Variants in CFAP73 observed in about 807,000 individuals in gnomAD.
CFAP73 encodes cilia- and flagella-associated protein 73.
A neutral mutation model predicts 42.9 loss-of-function variants in CFAP73; 33 were observed. That is an observed-to-expected ratio of 0.77 (90% CI 0.58 to 1.03). The LOEUF (loss-of-function observed/expected upper bound fraction) is 1.03, where lower values mean the gene tolerates loss of function less well. CFAP73 is among the 50% of genes least tolerant of loss of function. The pLI, the probability that CFAP73 is intolerant of heterozygous loss-of-function variation, is 0.00. For synonymous variants in CFAP73, 162 were observed against 186.8 expected (o/e 0.87, Z 1.08); for missense variants, 392 against 411.9 (o/e 0.95, Z 0.42).
At chr12:113,157,270 C>A in intron 6 of CFAP73, 1 of 319,300 alleles carries the variant, frequency 3.1e-6, no homozygotes, top group Non-Finnish European at 5.8e-6. Flanking sequence ...AAGAGTAGGT[C>A]ACAAACCAAT....
In CFAP73 at chr12:113,158,548, C is replaced by A; in HGVS notation, c.*12-153C>A. 3.6e-6 allele frequency: 1 copy of A among 277,806 alleles called. No individual in the cohort carries two copies. The highest frequency in any genetic ancestry group is 6.5e-5 in the East Asian group (1 of 15,344). The allele number at this position is 277,806 out of a possible 1,614,324, so 17.2% of individuals were successfully genotyped here. On this transcript the variant is annotated intron_variant, in intron 7 of 7. Transcript: ENST00000335621. The surrounding 1 kb of genome is among the most constrained non-coding windows in gnomAD (Gnocchi z 4.9). Reference sequence around the variant, plus strand: ...AATTCCATTGCCAAACCCTGAGGCACTCAGGGCTCTGACCGGTGCAGCCAT... The same window carrying A: ...AATTCCATTGCCAAACCCTGAGGCAATCAGGGCTCTGACCGGTGCAGCCAT...
chr12:113,159,184 A>G lies in CFAP73; in HGVS notation c.*495A>G, dbSNP rs770416704. 3.6e-5 allele frequency: 52 copies of G among 1,435,912 alleles called. No homozygotes were observed. In the African/African-American group the frequency reaches 6.1e-4, roughly 17 times the overall value. 88.9% of individuals were successfully genotyped at this position (1,435,912 alleles called of 1,614,324 possible). Reference sequence around the variant, plus strand: ...ATCCCCTCCTCCCAGAAGCTTGCAGACTCCTCCCCTGCCCCTACTCCTGTT... The same window carrying G: ...ATCCCCTCCTCCCAGAAGCTTGCAGGCTCCTCCCCTGCCCCTACTCCTGTT... On this transcript the variant is annotated 3_prime_UTR_variant, in exon 8 of 8. Transcript: ENST00000335621.
In CFAP73 at chr12:113,153,356, G is replaced by T. The variant is rs957317321; in HGVS notation, c.416G>T (p.Arg139Leu). The T allele has an allele frequency of 5.3e-6, 8 of 1,496,998 alleles. No individual in the cohort carries two copies. Among genetic ancestry groups the T allele is most frequent in the African/African-American group, 2.9e-5 (2 of 69,398 alleles). 92.7% of individuals were successfully genotyped at this position (1,496,998 alleles called of 1,614,324 possible). The change falls in exon 4 of 8, where the codon CGC becomes CTC. Residue 139 changes from arginine to leucine, a missense_variant. Arg to Leu is a moderately radical substitution (Grantham distance 102, BLOSUM62 -2). Coordinates refer to ENST00000335621, the MANE Select transcript of CFAP73 (RefSeq NM_001144872.3). ...GCGCGGCTGCAGCGCCGGCTTAAGC[G>T]CCTGGAGCCCTGCGCGCGCCTGCTG... ...EHARLQRRLK[R>L]LEPCARLLEQ...
chr12:113,150,107 T>A (rs926744200), intron 1 of CFAP73, among the ~76,000 whole-genome samples, 194 bp downstream of exon 1: 6 of 152,198 alleles, frequency 3.9e-5, no homozygotes, highest in African/African-American at 1.4e-4. Context: ...GGATCGTTCC[T>A]GATCCCCCAC....
intron 1 of CFAP73, among the ~76,000 whole-genome samples, chr12:113,150,159 G>A (rs571009323): frequency 1.3e-5 from 2 of 152,202 alleles, no homozygotes; most frequent in Non-Finnish European, 2.9e-5. Context: ...TTCAAACCAA[G>A]CTGGGAAGGA....
chr12:113,154,711 A>T lies in CFAP73; in HGVS notation c.690+76A>T. ...CGGGCGGGGAGGAACGCCAGGGCTG[A>T]TGAGGACCGATGGGGCAATGCTTAC... On this transcript the variant is annotated intron_variant, in intron 5 of 7. Coordinates refer to ENST00000335621, the MANE Select transcript of CFAP73 (RefSeq NM_001144872.3). The surrounding 1 kb of genome is among the most constrained non-coding windows in gnomAD (Gnocchi z 4.7). 1 of 1,371,422 alleles carries T rather than the reference A, an allele frequency of 7.3e-7. No homozygotes were observed. The highest frequency in any genetic ancestry group is 1.7e-5 in the South Asian group (1 of 57,484). The allele number at this position is 1,371,422 out of a possible 1,614,324, so 85.0% of individuals were successfully genotyped here. A position where few individuals can be genotyped will look rare whatever the true frequency, so the allele number is the denominator to read the frequency against.
chr12:113,155,179 A>G, intron 5 of CFAP73, 81 bp from the exon 6 acceptor site: 1 of 1,329,410 alleles, frequency 7.5e-7, no homozygotes, highest in Non-Finnish European at 1.0e-6. Context: ...CAAAAAGAAA[A>G]AAAAAAAAAG....
chr12:113,159,221 G>A lies in CFAP73; in HGVS notation c.*532G>A, dbSNP rs1408850471. On this transcript the variant is annotated 3_prime_UTR_variant, in exon 8 of 8. Coordinates refer to ENST00000335621, the MANE Select transcript of CFAP73 (RefSeq NM_001144872.3). ...CCCCTACTCCTGTTCTGTGCTTATT[G>A]CTGTGGCCCAGTGTCTGTACACAGT... is the stretch of plus-strand genomic sequence containing the variant. 4 of 1,207,248 alleles carry A rather than the reference G, an allele frequency of 3.3e-6. No individual in the cohort carries two copies. Among genetic ancestry groups the A allele is most frequent in the Non-Finnish European group, 4.6e-6 (4 of 877,570 alleles). 74.8% of individuals were successfully genotyped at this position (1,207,248 alleles called of 1,614,324 possible).
intron 3 of CFAP73, 152 bp downstream of exon 3, chr12:113,153,039 T>C: frequency 1.2e-6 from 1 of 809,030 alleles, no homozygotes; most frequent in Non-Finnish European, 1.8e-6. Flanking sequence ...AAGCAACCGA[T>C]TAAAAAAAAA....
Position 113,152,810 on chromosome 12 carries a change from AAACAGCGTTGGG to A in CFAP73, c.197_208del (p.Arg66_Gln69del). ...GTTCCGCACCAAGACGGCAGCCCTG[AAACAGCGTTGGG>A]AACAGCTGGAACAAAAGGAGCGGGA... On this transcript the variant is annotated inframe_deletion, in exon 3 of 8. Coordinates refer to ENST00000335621, the MANE Select transcript of CFAP73 (RefSeq NM_001144872.3). The A allele has an allele frequency of 6.4e-7, 1 of 1,551,656 alleles. No homozygotes were observed. The highest frequency in any genetic ancestry group is 1.4e-5 in the African/African-American group (1 of 73,152).
In CFAP73 at chr12:113,153,246, G is replaced by A; in HGVS notation, c.306G>A (p.Ala102=). 6.6e-7 allele frequency: 1 copy of A among 1,520,556 alleles called. No homozygotes were observed. The highest frequency in any genetic ancestry group is 1.2e-5 in the South Asian group (1 of 82,644). The allele number at this position is 1,520,556 out of a possible 1,614,324, so 94.2% of individuals were successfully genotyped here. Residue 102 remains alanine (A), a synonymous_variant, in exon 4 of 8, where the codon GCG becomes GCA. Transcript: ENST00000335621. ...GGCGCAATCGCGCGCTGCGGAGGGCGGCGGAGGAGAGGCACCAGGCGGGCC... is the reference window on the plus strand; with the variant it reads ...GGCGCAATCGCGCGCTGCGGAGGGCAGCGGAGGAGAGGCACCAGGCGGGCC... ...EARRNRALRR[A]AEERHQAGRR... is the part of the protein sequence containing the mutation.
Position 113,159,084 on chromosome 12 carries a change from G to A in CFAP73, c.*395G>A, listed in dbSNP as rs1365416852. The A allele has an allele frequency of 1.2e-5, 20 of 1,605,424 alleles. No individual in the cohort carries two copies. The Middle Eastern group carries it at 6.7e-4, about 54-fold the overall frequency. On this transcript the variant is annotated 3_prime_UTR_variant, in exon 8 of 8. Transcript: ENST00000335621. The stretch of plus-strand genomic sequence containing the variant: ...CCGGGCGGACTCGGCCTGCAGGGGT[G>A]CCTGGGGCGTGGGGCCGGGATGCAC...
At chr12:113,153,173 C>A (rs1438162054) in intron 3 of CFAP73, 35 bp from the exon 4 acceptor site, 2 of 1,462,748 alleles carry the variant, frequency 1.4e-6, no homozygotes, top group Non-Finnish European at 9.0e-7. Flanking sequence ...GCTCCTGAGT[C>A]CTGAAGGTCG....
chr12:113,154,639 C>T lies in CFAP73; in HGVS notation c.690+4C>T, dbSNP rs1592990814. On this transcript the variant is annotated splice_donor_region_variant and intron_variant, in intron 5 of 7. Coordinates refer to ENST00000335621, the MANE Select transcript of CFAP73 (RefSeq NM_001144872.3). The surrounding 1 kb of genome is among the most constrained non-coding windows in gnomAD (Gnocchi z 4.7). The stretch of plus-strand genomic sequence containing the variant: ...CAGGGAGCGTACGCTGCAGTGGGTA[C>T]GACCCGCCCTAGGTGGGGGGCGCTC... 5 of 1,395,856 alleles carry T rather than the reference C, an allele frequency of 3.6e-6. No individual in the cohort carries two copies. The highest frequency in any genetic ancestry group is 1.5e-5 in the African/African-American group (1 of 65,494). 86.5% of individuals were successfully genotyped at this position (1,395,856 alleles called of 1,614,324 possible).
At position 113,152,780 on chromosome 12, in the gene CFAP73, C is replaced by T. The variant is rs1952075352; in HGVS notation, c.163-3C>T. On this transcript the variant is annotated splice_polypyrimidine_tract_variant and splice_region_variant and intron_variant, in intron 2 of 7. Coordinates refer to ENST00000335621, the MANE Select transcript of CFAP73 (RefSeq NM_001144872.3). ...ACACAGACAACCCACTCCTCACCCC[C>T]AGGTGTTCCGCACCAAGACGGCAGC... 3.9e-6 allele frequency: 6 copies of T among 1,550,944 alleles called. No homozygotes were observed. In the East Asian group the frequency reaches 9.8e-5, roughly 25 times the overall value.
At position 113,154,697 on chromosome 12, in the gene CFAP73, G is replaced by T; in HGVS notation, c.690+62G>T. 1 of 1,378,344 alleles carries T rather than the reference G, an allele frequency of 7.3e-7. No individual in the cohort carries two copies. Among genetic ancestry groups the T allele is most frequent in the South Asian group, 1.7e-5 (1 of 59,060 alleles). 85.4% of individuals were successfully genotyped at this position (1,378,344 alleles called of 1,614,324 possible). ...CAGGCTTCCACAGCCGGGCGGGGAG[G>T]AACGCCAGGGCTGATGAGGACCGAT... On this transcript the variant is annotated intron_variant, in intron 5 of 7. Transcript: ENST00000335621. The surrounding 1 kb of genome is among the most constrained non-coding windows in gnomAD (Gnocchi z 4.7).
At chr12:113,155,929 CTTTTT>C (rs200795985) in intron 6 of CFAP73, among the ~76,000 whole-genome samples, 2 of 136,440 alleles carry the variant, frequency 1.5e-5, no homozygotes. Flanking sequence ...GTGCCATAGG[CTTTTT>C]TTTTTTTTTT....
At chr12:113,157,371 C>G in intron 6 of CFAP73, 1 of 578,064 alleles carries the variant, frequency 1.7e-6, no homozygotes, top group South Asian at 2.2e-5. Context: ...AGCGAGGAAG[C>G]TGTGAAGGTG....
intron 1 of CFAP73, among the ~76,000 whole-genome samples, chr12:113,151,181 T>C (rs1490275350): frequency 2.6e-5 from 4 of 152,138 alleles, no homozygotes; most frequent in African/African-American, 9.7e-5. Context: ...GGACAATTTG[T>C]TCAATGAATA....
Sources: allele counts gnomAD v4.1 joint callset (sites outside exome capture counted in the v4.1 genomes callset), GRCh38; gene constraint gnomAD v4.1.1; non-coding constraint Gnocchi (gnomAD v3.1); transcripts MANE v1.5; gene names NCBI Gene and HGNC (gene_info 2026-07-23, HGNC 2026-07-21).